Variants in PDZRN4 observed in about 807,000 individuals in gnomAD.
PDZRN4 encodes the protein PDZ domain containing ring finger 4.
A neutral mutation model predicts 99.0 loss-of-function variants in PDZRN4; 70 were observed. That is an observed-to-expected ratio of 0.71 (90% CI 0.58 to 0.86). The LOEUF (loss-of-function observed/expected upper bound fraction) is 0.86. PDZRN4 is among the 40% of genes least tolerant of loss of function. The pLI is 0.00. For missense variants in PDZRN4, 1,474 were observed against 1,331.2 expected (o/e 1.11, Z -1.67); for synonymous variants, 551 against 501.6 (o/e 1.10, Z -1.32).
chr12:41,348,428 C>G (rs2121032055), intron 3 of PDZRN4, among the ~76,000 whole-genome samples: 1 of 152,086 alleles, frequency 6.6e-6, no homozygotes, highest in East Asian at 1.9e-4. Flanking sequence ...ACTGCTATGC[C>G]TTAGGTTGAA....
At chr12:41,213,003 G>A (rs1466906596) in intron 3 of PDZRN4, among the ~76,000 whole-genome samples, 1 of 151,964 alleles carries the variant, frequency 6.6e-6, no homozygotes, top group African/African-American at 2.4e-5. Flanking sequence ...TCTTAAACAG[G>A]TTGACTACAC....
intron 3 of PDZRN4, among the ~76,000 whole-genome samples, chr12:41,219,753 A>G (rs2120720860): frequency 6.6e-6 from 1 of 152,242 alleles, no homozygotes; most frequent in South Asian, 2.1e-4. Context: ...TTTGCAGAAA[A>G]CTGAATCTTT....
At chr12:41,358,082 G>C (rs948552153) in intron 3 of PDZRN4, among the ~76,000 whole-genome samples, 5 of 151,960 alleles carry the variant, frequency 3.3e-5, no homozygotes, top group Non-Finnish European at 5.9e-5. Flanking sequence ...TAGCAGGTCT[G>C]AAAAAATTCC....
At chr12:41,228,621 G>C (rs1334923868) in intron 3 of PDZRN4, among the ~76,000 whole-genome samples, 1 of 152,000 alleles carries the variant, frequency 6.6e-6, no homozygotes, top group Non-Finnish European at 1.5e-5. Flanking sequence ...CTTTGTTCTG[G>C]GTATGCCATG....
At chr12:41,326,442 T>C (rs558904486) in intron 3 of PDZRN4, among the ~76,000 whole-genome samples, 1 of 152,302 alleles carries the variant, frequency 6.6e-6, no homozygotes, top group South Asian at 2.1e-4. Flanking sequence ...ATTCCATTAA[T>C]TAAAAACACA....
At chr12:41,219,313 G>T (rs1374522057) in intron 3 of PDZRN4, among the ~76,000 whole-genome samples, 1 of 152,020 alleles carries the variant, frequency 6.6e-6, no homozygotes, top group African/African-American at 2.4e-5. Flanking sequence ...TGATTGAGTA[G>T]GAGTTCAGTC....
chr12:41,256,944 C>T (rs1006880861), intron 3 of PDZRN4, among the ~76,000 whole-genome samples: 1 of 152,124 alleles, frequency 6.6e-6, no homozygotes, highest in Non-Finnish European at 1.5e-5. Context: ...ATACATATCA[C>T]CATATTTCAT....
intron 9 of PDZRN4, among the ~76,000 whole-genome samples, chr12:41,571,772 T>C (rs899775224): frequency 1.3e-5 from 2 of 152,216 alleles, no homozygotes; most frequent in Non-Finnish European, 2.9e-5. Context: ...ACTAATAACC[T>C]GAATCCTTTT....
intron 3 of PDZRN4, among the ~76,000 whole-genome samples, chr12:41,244,785 C>T (rs1162547681): frequency 5.3e-5 from 8 of 149,684 alleles, no homozygotes; most frequent in Non-Finnish European, 3.0e-5. Context: ...CCCGGGTTCA[C>T]GCCATTCTCC....
chr12:41,487,942 C>A (rs1453384541), intron 3 of PDZRN4, among the ~76,000 whole-genome samples: 12 of 152,082 alleles, frequency 7.9e-5, no homozygotes, highest in Admixed American at 7.9e-4. Context: ...ATGTATGTAT[C>A]CTTTTTAAAT....
At chr12:41,468,965 C>T (rs181420293) in intron 3 of PDZRN4, among the ~76,000 whole-genome samples, 41 of 151,534 alleles carry the variant, frequency 2.7e-4, no homozygotes, top group African/African-American at 8.7e-4. Flanking sequence ...GCCGAGATTG[C>T]GCCACTTCAC....
Position 41,248,077 on chromosome 12 carries a change from T to A in PDZRN4, c.843+53889T>A, listed in dbSNP as rs1951145196. Reference sequence around the variant, plus strand: ...TGATGCTAGTTGTTGCAGGTTCACTTCACCACTTTGTTCTGATATTTAAAC... The same window carrying A: ...TGATGCTAGTTGTTGCAGGTTCACTACACCACTTTGTTCTGATATTTAAAC... On this transcript the variant is annotated intron_variant, in intron 3 of 9. Coordinates refer to ENST00000402685, the MANE Select transcript of PDZRN4 (RefSeq NM_001164595.2). 2.6e-5 allele frequency among the ~76,000 whole-genome samples: 4 copies of A among 152,208 alleles called. No individual in the cohort carries two copies. In the South Asian group the frequency reaches 8.3e-4, roughly 32 times the overall value.
At chr12:41,246,301 C>T (rs1168786218) in intron 3 of PDZRN4, among the ~76,000 whole-genome samples, 1 of 151,984 alleles carries the variant, frequency 6.6e-6, no homozygotes, top group Non-Finnish European at 1.5e-5. Flanking sequence ...AGTTAATTGA[C>T]AGGGTATTTC....
chr12:41,397,993 A>ACAGC (rs1408230986), intron 3 of PDZRN4, among the ~76,000 whole-genome samples: 1 of 152,114 alleles, frequency 6.6e-6, no homozygotes, highest in East Asian at 1.9e-4. Flanking sequence ...TTTGCTGCCT[A>ACAGC]CAGCCCGGGG....
intron 7 of PDZRN4, among the ~76,000 whole-genome samples, chr12:41,559,636 A>G (rs1158331037): frequency 2.6e-5 from 4 of 152,152 alleles, no homozygotes; most frequent in Non-Finnish European, 5.9e-5. Context: ...AAACTTTACA[A>G]GAACTCAGTG....
chr12:41,217,856 C>A (rs1008289258), intron 3 of PDZRN4, among the ~76,000 whole-genome samples: 1 of 152,020 alleles, frequency 6.6e-6, no homozygotes, highest in Non-Finnish European at 1.5e-5. Context: ...CAAGACCTTT[C>A]TAAATCCCAT....
rs573626183 is a variant in PDZRN4 at position 41,344,773 on chromosome 12, A to G, written c.843+150585A>G. 3.1e-3 allele frequency among the ~76,000 whole-genome samples: 462 copies of G among 148,458 alleles called. 4 individuals carry two copies. The highest frequency in any genetic ancestry group is 0.011 in the African/African-American group (439 of 40,918). ...CATATATATGATATATGATATACAT[A>G]ATATATATATTTAAAATTTTACATA... On this transcript the variant is annotated intron_variant, in intron 3 of 9. Coordinates refer to ENST00000402685, the MANE Select transcript of PDZRN4 (RefSeq NM_001164595.2).
At chr12:41,218,530 T>G (rs1461342364) in intron 3 of PDZRN4, among the ~76,000 whole-genome samples, 3 of 152,140 alleles carry the variant, frequency 2.0e-5, no homozygotes, top group African/African-American at 7.2e-5. Flanking sequence ...AAATGCTCAT[T>G]ATATAAAAAT....
intron 5 of PDZRN4, among the ~76,000 whole-genome samples, chr12:41,541,078 C>T (rs1938846163): frequency 6.6e-6 from 1 of 152,044 alleles, no homozygotes; most frequent in Admixed American, 6.6e-5. Flanking sequence ...GCACCCACCA[C>T]CATGCCCAGC....
Sources: allele counts gnomAD v4.1 joint callset (sites outside exome capture counted in the v4.1 genomes callset), GRCh38; gene constraint gnomAD v4.1.1; transcripts MANE v1.5; gene names NCBI Gene and HGNC (gene_info 2026-07-23, HGNC 2026-07-21).